The following ARHGEF4 variants were observed in gnomAD, a reference collection of about 807,000 sequenced individuals.
ARHGEF4 encodes APC-stimulated guanine nucleotide exchange factor 1.
Under a neutral mutation model 162.0 loss-of-function variants are expected in ARHGEF4, and 119 were observed. The ratio of observed to expected loss-of-function variants is 0.73; its 90% confidence interval spans 0.63 to 0.86. The LOEUF is 0.86. ARHGEF4 is among the 40% of genes least tolerant of loss of function. The probability of loss-of-function intolerance (pLI) is 0.00; values close to 1 mark genes in which losing one functional copy is unlikely to be tolerated. For missense variants in ARHGEF4, 2,488 were observed against 2,456.0 expected (o/e 1.01, Z -0.28); for synonymous variants, 1,014 against 979.9 (o/e 1.03, Z -0.65).
At chr2:131,040,498 G>T in intron 8 of ARHGEF4, 58 bp downstream of exon 8, 5 of 1,475,600 alleles carry the variant, frequency 3.4e-6, no homozygotes, top group Non-Finnish European at 4.5e-6. Flanking sequence ...GCTGCCGCGG[G>T]CGCCAGCGCG....
intron 1 of ARHGEF4, among the ~76,000 whole-genome samples, chr2:130,878,636 T>C (rs558474647): frequency 5.3e-5 from 8 of 152,334 alleles, no homozygotes; most frequent in Non-Finnish European, 1.2e-4. Flanking sequence ...AGGCTGTGTA[T>C]TCTTGGCTTT....
At chr2:130,890,887 G>T (rs557328362) in intron 1 of ARHGEF4, among the ~76,000 whole-genome samples, 7 of 151,984 alleles carry the variant, frequency 4.6e-5, no homozygotes, top group Admixed American at 2.0e-4. Context: ...CATGTCTCTC[G>T]AAGAGATAAG....
At position 130,915,986 on chromosome 2, in the gene ARHGEF4, G is replaced by A; in HGVS notation, c.2040G>A (p.Arg680=). The A allele has an allele frequency of 6.4e-7, 1 of 1,550,516 alleles. No homozygotes were observed. The highest frequency in any genetic ancestry group is 8.7e-7 in the Non-Finnish European group (1 of 1,146,962). Residue 680 remains arginine, a synonymous_variant, in exon 2 of 14, where the codon AGG becomes AGA. Transcript: ENST00000409359. ...TGETPCESPT[R]GKTPAGNECE... The stretch of plus-strand genomic sequence containing the variant: ...AGACCCCCTGTGAGTCTCCCACTAG[G>A]GGGAAAACACCAGCCGGTAATGAGT...
intron 4 of ARHGEF4, among the ~76,000 whole-genome samples, chr2:130,974,272 G>GAAAAAAAAA (rs751083208): frequency 7.5e-6 from 1 of 133,544 alleles, no homozygotes; most frequent in African/African-American, 2.8e-5. Context: ...ATCTTGTCTG[G>GAAAAAAAAA]AAAAAAAAAA....
intron 4 of ARHGEF4, among the ~76,000 whole-genome samples, chr2:130,979,377 T>TA (rs1685961337): frequency 1.3e-5 from 2 of 152,158 alleles, no homozygotes; most frequent in Non-Finnish European, 2.9e-5. Flanking sequence ...CAACCATGTC[T>TA]CTCTTGAACT....
intron 3 of ARHGEF4, among the ~76,000 whole-genome samples, chr2:130,942,892 G>A (rs1458157757): frequency 6.6e-6 from 1 of 152,076 alleles, no homozygotes; most frequent in Admixed American, 6.5e-5. Context: ...TGTTCCATGT[G>A]CACTTGAAAA....
intron 4 of ARHGEF4, among the ~76,000 whole-genome samples, chr2:130,997,792 G>A (rs1293904561): frequency 6.6e-6 from 1 of 152,148 alleles, no homozygotes; most frequent in African/African-American, 2.4e-5. Context: ...TGAGTATAAT[G>A]CAAATTTCAT....
At chr2:130,837,131 G>A (rs555266341) in intron 1 of ARHGEF4, 139 bp downstream of exon 1, 1 of 792,638 alleles carries the variant, frequency 1.3e-6, no homozygotes, top group Admixed American at 4.4e-5. Context: ...GTGGCTCCCC[G>A]CCGCTCCCAA....
intron 4 of ARHGEF4, among the ~76,000 whole-genome samples, chr2:131,023,589 A>G (rs10177079): frequency 0.029 from 4,492 of 152,318 alleles, 239 homozygotes; most frequent in African/African-American, 0.1. Flanking sequence ...TACCTAAAAT[A>G]TAAAATAGTG....
At chr2:130,955,619 A>C (rs1684220897) in intron 4 of ARHGEF4, among the ~76,000 whole-genome samples, 6 of 152,054 alleles carry the variant, frequency 3.9e-5, no homozygotes, top group Admixed American at 3.9e-4. Context: ...CCACACTGTT[A>C]AGCTCCACTC....
intron 4 of ARHGEF4, 162 bp downstream of exon 4, chr2:130,946,797 A>G (rs1000611142): frequency 1.0e-6 from 1 of 969,634 alleles, no homozygotes; most frequent in Non-Finnish European, 1.5e-6. Flanking sequence ...AGGAGTGCCT[A>G]CTACCCAAAG....
intron 4 of ARHGEF4, among the ~76,000 whole-genome samples, chr2:131,008,011 C>T (rs1688235913): frequency 6.6e-6 from 1 of 151,712 alleles, no homozygotes; most frequent in East Asian, 1.9e-4. Context: ...CAGGGTTTCG[C>T]CATGTTGGCC....
chr2:131,019,625 G>GGTTATT (rs1553442129), intron 4 of ARHGEF4, among the ~76,000 whole-genome samples: 5 of 124,396 alleles, frequency 4.0e-5, no homozygotes, highest in Non-Finnish European at 6.9e-5. Flanking sequence ...TTTATTCTTT[G>GGTTATT]GTTTTTGTTT....
chr2:130,855,408 C>T (rs1488488428), intron 1 of ARHGEF4, among the ~76,000 whole-genome samples: 2 of 152,118 alleles, frequency 1.3e-5, no homozygotes, highest in Non-Finnish European at 2.9e-5. Context: ...TGAAAAGATA[C>T]AGATTTAAGT....
chr2:130,923,546 G>A (rs1189751687), intron 2 of ARHGEF4, among the ~76,000 whole-genome samples: 1 of 152,226 alleles, frequency 6.6e-6, no homozygotes, highest in Admixed American at 6.5e-5. Context: ...CTTGTGGGCG[G>A]GCAATGTTCT....
At chr2:131,015,518 A>G (rs1688718714) in intron 4 of ARHGEF4, among the ~76,000 whole-genome samples, 1 of 151,990 alleles carries the variant, frequency 6.6e-6, no homozygotes, top group Non-Finnish European at 1.5e-5. Context: ...GTGCCTGGGA[A>G]CTCTGTGCTG....
At chr2:130,962,438 C>T (rs1302306231) in intron 4 of ARHGEF4, among the ~76,000 whole-genome samples, 3 of 152,088 alleles carry the variant, frequency 2.0e-5, no homozygotes, top group African/African-American at 7.2e-5. Flanking sequence ...TTCCAGTCTA[C>T]CTAAGCCTGT....
intron 5 of ARHGEF4, among the ~76,000 whole-genome samples, chr2:131,029,511 C>G (rs1689696087): frequency 6.6e-6 from 1 of 151,756 alleles, no homozygotes; most frequent in Non-Finnish European, 1.5e-5. Context: ...TGAAATGATG[C>G]CACCTGAAGC....
intron 3 of ARHGEF4, among the ~76,000 whole-genome samples, chr2:130,938,057 C>T (rs1040186194): frequency 3.9e-5 from 6 of 152,070 alleles, no homozygotes; most frequent in South Asian, 2.1e-4. Flanking sequence ...GACAGTATTC[C>T]GTGGCCTGGA....
Sources: allele counts gnomAD v4.1 joint callset (sites outside exome capture counted in the v4.1 genomes callset), GRCh38; gene constraint gnomAD v4.1.1; transcripts MANE v1.5; gene names NCBI Gene and HGNC (gene_info 2026-07-23, HGNC 2026-07-21).